TSHZ3: variants seen among roughly 807,000 people sequenced by gnomAD.
The protein encoded by TSHZ3 is teashirt homolog 3.
TSHZ3 carries 10 observed loss-of-function variants against 64.5 expected under a neutral mutation model. The ratio of observed to expected loss-of-function variants is 0.16; its 90% CI spans 0.10 to 0.26. TSHZ3 has a LOEUF of 0.26. TSHZ3 is among the 10% of genes least tolerant of loss of function. The pLI, the probability that TSHZ3 is intolerant of heterozygous loss-of-function variation, is 1.00. For missense variants in TSHZ3, 1,242 were observed against 1,421.7 expected (o/e 0.87, Z 2.03); for synonymous variants, 608 against 593.1 (o/e 1.03, Z -0.36).
intron 1 of TSHZ3, among the ~76,000 whole-genome samples, chr19:31,295,166 G>A (rs1284637077): frequency 1.3e-5 from 2 of 152,192 alleles, no homozygotes; most frequent in Non-Finnish European, 2.9e-5. Flanking sequence ...ATAAGACAGA[G>A]ATACCAGTGT....
chr19:31,315,115 C>T (rs1279933197), intron 1 of TSHZ3, among the ~76,000 whole-genome samples: 1 of 152,250 alleles, frequency 6.6e-6, no homozygotes, highest in Non-Finnish European at 1.5e-5. Flanking sequence ...ATCACCTATG[C>T]TCTCCCCGAG....
chr19:31,315,604 T>G (rs975797183), intron 1 of TSHZ3, among the ~76,000 whole-genome samples: 2 of 152,086 alleles, frequency 1.3e-5, no homozygotes, highest in African/African-American at 2.4e-5. Context: ...AAGGTAAATA[T>G]GAGAAATACA....
At chr19:31,264,298 G>C (rs891722982) in intron 1 of TSHZ3, among the ~76,000 whole-genome samples, 1 of 152,226 alleles carries the variant, frequency 6.6e-6, no homozygotes, top group Non-Finnish European at 1.5e-5. Context: ...ACTCAAAGAT[G>C]AGAGTTTCCT....
intron 1 of TSHZ3, among the ~76,000 whole-genome samples, chr19:31,334,483 G>A (rs1477106551): frequency 6.6e-6 from 1 of 152,120 alleles, no homozygotes; most frequent in East Asian, 1.9e-4. Context: ...TAAGTGTTTT[G>A]GAATGTCTCT....
chr19:31,282,980 A>T (rs2145119927), intron 1 of TSHZ3, among the ~76,000 whole-genome samples: 1 of 152,276 alleles, frequency 6.6e-6, no homozygotes, highest in South Asian at 2.1e-4. Context: ...TGAAGGTGAG[A>T]AGTATTTCCT....
intron 1 of TSHZ3, among the ~76,000 whole-genome samples, chr19:31,256,467 G>A (rs1482486601): frequency 6.6e-6 from 1 of 152,182 alleles, no homozygotes; most frequent in Non-Finnish European, 1.5e-5. Flanking sequence ...AGTGACAGAT[G>A]TTTGCCCAGA....
intron 1 of TSHZ3, among the ~76,000 whole-genome samples, chr19:31,260,929 C>G (rs113470937): frequency 8.2e-4 from 125 of 152,300 alleles, no homozygotes; most frequent in African/African-American, 2.9e-3. Context: ...TTTCTCAGCA[C>G]CTTCTGTGTG....
intron 1 of TSHZ3, among the ~76,000 whole-genome samples, chr19:31,254,417 G>A (rs1975882015): frequency 6.6e-6 from 1 of 152,202 alleles, no homozygotes; most frequent in Non-Finnish European, 1.5e-5. Flanking sequence ...GCTGGGAACT[G>A]AGCCCAGGCT....
chr19:31,217,045 C>T (rs1234455309), intron 4 of TSHZ3, among the ~76,000 whole-genome samples: 2 of 151,362 alleles, frequency 1.3e-5, no homozygotes, highest in Non-Finnish European at 2.9e-5. Flanking sequence ...GTGATCCACC[C>T]GCCTCAGCCT....
At chr19:31,238,421 A>G (rs1035321413) in intron 3 of TSHZ3, among the ~76,000 whole-genome samples, 110 of 151,990 alleles carry the variant, frequency 7.2e-4, no homozygotes, top group African/African-American at 2.5e-3. Flanking sequence ...ACACCTGGCT[A>G]ATTTTTGCAT....
intron 5 of TSHZ3, among the ~76,000 whole-genome samples, chr19:31,170,536 A>C (rs1159833328): frequency 6.6e-6 from 1 of 152,196 alleles, no homozygotes; most frequent in African/African-American, 2.4e-5. Context: ...TAAAGAGAGC[A>C]TCCCACATCT....
intron 3 of TSHZ3, among the ~76,000 whole-genome samples, chr19:31,241,848 G>T (rs983903766): frequency 1.3e-5 from 2 of 152,280 alleles, no homozygotes; most frequent in African/African-American, 4.8e-5. Flanking sequence ...CAAATCAGTT[G>T]TCATACGTTG....
intron 1 of TSHZ3, among the ~76,000 whole-genome samples, chr19:31,289,940 C>T (rs77875911): frequency 6.6e-6 from 1 of 152,178 alleles, no homozygotes; most frequent in African/African-American, 2.4e-5. Context: ...AAAAGAATAT[C>T]TGCTTGACAA....
intron 1 of TSHZ3, among the ~76,000 whole-genome samples, chr19:31,308,885 C>T (rs2279706): frequency 0.041 from 6,315 of 152,296 alleles, 157 homozygotes; most frequent in African/African-American, 0.071. Context: ...AGAGGCACCA[C>T]GAGGCGTTCA....
chr19:31,188,540 C>G (rs1974849062), intron 5 of TSHZ3, among the ~76,000 whole-genome samples: 1 of 151,886 alleles, frequency 6.6e-6, no homozygotes, highest in Non-Finnish European at 1.5e-5. Flanking sequence ...TGAAAATTAG[C>G]AAATGCTTTT....
At chr19:31,161,114 T>A (rs1010862488) in intron 5 of TSHZ3, among the ~76,000 whole-genome samples, 5 of 152,218 alleles carry the variant, frequency 3.3e-5, no homozygotes, top group Non-Finnish European at 7.3e-5. Flanking sequence ...TCACATGGAA[T>A]AATTCCTGAT....
intron 1 of TSHZ3, among the ~76,000 whole-genome samples, chr19:31,291,952 G>A (rs759171331): frequency 2.6e-5 from 4 of 152,170 alleles, no homozygotes; most frequent in Admixed American, 1.3e-4. Context: ...CATGGCTTCC[G>A]GAGCCAGGGT....
chr19:31,304,926 G>T (rs952283032), intron 1 of TSHZ3, among the ~76,000 whole-genome samples: 2 of 152,192 alleles, frequency 1.3e-5, no homozygotes, highest in Middle Eastern at 3.2e-3. Context: ...GTAATAAGGG[G>T]TTTGATTGCT....
intron 5 of TSHZ3, among the ~76,000 whole-genome samples, chr19:31,161,573 C>T (rs777009968): frequency 1.3e-5 from 2 of 152,136 alleles, no homozygotes; most frequent in Non-Finnish European, 2.9e-5. Flanking sequence ...ACAACATTTC[C>T]TCCATAAGAG....
Sources: gnomAD v4.1 joint callset for allele counts (sites outside exome capture counted in the v4.1 genomes callset) on GRCh38, gnomAD v4.1.1 for gene constraint, MANE v1.5 for transcripts, NCBI Gene and HGNC (gene_info 2026-07-23, HGNC 2026-07-21) for gene names.